HNF4G: variants seen among roughly 807,000 people sequenced by gnomAD.
HNF4G encodes the protein hepatocyte nuclear factor 4 gamma, also known as hepatocyte nuclear factor 4-gamma.
Under a neutral mutation model 50.9 loss-of-function variants are expected in HNF4G, and 21 were observed. The observed-to-expected ratio is 0.41, with a 90% CI of 0.29 to 0.59. The LOEUF is 0.59. Among genes scored for constraint, HNF4G ranks in the 20% least tolerant of loss-of-function variants. HNF4G has a pLI of 0.26. For synonymous variants in HNF4G, 198 were observed against 185.6 expected, an observed-to-expected ratio of 1.07 and a Z score of -0.54; for missense variants, 527 against 559.4, an observed-to-expected ratio of 0.94 and a Z score of 0.58.
chr8:75,464,184 A>C (rs1321432758), intron 1 of HNF4G, among the ~76,000 whole-genome samples: 4 of 152,122 alleles, frequency 2.6e-5, no homozygotes, highest in Non-Finnish European at 5.9e-5. Context: ...CACTCTCAGG[A>C]AACCTAGGGC....
chr8:75,560,919 A>G (rs1807294548), intron 9 of HNF4G, among the ~76,000 whole-genome samples: 1 of 152,206 alleles, frequency 6.6e-6, no homozygotes, highest in Admixed American at 6.5e-5. Context: ...GTAGAATTCA[A>G]TACAAAACAT....
At chr8:75,528,358 G>A (rs537113953) in intron 2 of HNF4G, among the ~76,000 whole-genome samples, 30 of 152,242 alleles carry the variant, frequency 2.0e-4, no homozygotes, top group Admixed American at 9.2e-4. Context: ...CTTGCTGTTT[G>A]CAGCCTTAAA....
intron 2 of HNF4G, among the ~76,000 whole-genome samples, chr8:75,502,575 A>G (rs1812960011): frequency 1.3e-5 from 2 of 152,350 alleles, no homozygotes; most frequent in South Asian, 4.1e-4. Context: ...CTGTACAAAT[A>G]ATTAAAGAAG....
At chr8:75,416,638 C>T (rs1810643171) in intron 1 of HNF4G, among the ~76,000 whole-genome samples, 1 of 152,134 alleles carries the variant, frequency 6.6e-6, no homozygotes, top group Non-Finnish European at 1.5e-5. Context: ...ATTTGTGCCT[C>T]TTTTGTGTGA....
intron 1 of HNF4G, among the ~76,000 whole-genome samples, chr8:75,410,236 C>T (rs1266114111): frequency 6.6e-6 from 1 of 152,094 alleles, no homozygotes; most frequent in Non-Finnish European, 1.5e-5. Context: ...GAATTGTTGG[C>T]ACCAGGGAGA....
intron 1 of HNF4G, among the ~76,000 whole-genome samples, chr8:75,419,455 TCA>T (rs1810728366): frequency 1.3e-5 from 2 of 152,204 alleles, no homozygotes; most frequent in Non-Finnish European, 2.9e-5. Context: ...AAAGCACCCT[TCA>T]TGCTGAGCAA....
At chr8:75,510,398 A>G (rs34335443) in intron 2 of HNF4G, among the ~76,000 whole-genome samples, 7,607 of 152,288 alleles carry the variant, frequency 0.05, 264 homozygotes, top group Non-Finnish European at 0.072. Flanking sequence ...TAGCCTACAT[A>G]AAGTCTGCAA....
chr8:75,526,288 T>G lies in HNF4G; in HGVS notation c.-23-17523T>G, dbSNP rs1419951791. 3.3e-5 allele frequency among the ~76,000 whole-genome samples: 5 copies of G among 151,744 alleles called. No homozygotes were observed. The East Asian group carries it at 9.8e-4, about 30-fold the overall frequency. On this transcript the variant is annotated intron_variant, in intron 2 of 10. Coordinates refer to the HNF4G transcript ENST00000354370. Reference sequence around the variant, plus strand: ...TGACCACAGGTGCACATCACCACACTGGGCTAAGTTCTGGGTTTATAGACC... The same window carrying G: ...TGACCACAGGTGCACATCACCACACGGGGCTAAGTTCTGGGTTTATAGACC...
chr8:75,527,211 G>A (rs1251457719), intron 2 of HNF4G: 2 of 151,570 alleles, frequency 1.3e-5, no homozygotes, highest in African/African-American at 2.4e-5. Flanking sequence ...CGGCTATGAT[G>A]TGCCTTATAG....
intron 1 of HNF4G, among the ~76,000 whole-genome samples, chr8:75,426,878 A>T (rs2130506398): frequency 6.6e-6 from 1 of 152,324 alleles, no homozygotes; most frequent in Middle Eastern, 3.4e-3. Flanking sequence ...TTAAAACTCC[A>T]TTATGTAACT....
intron 3 of HNF4G, among the ~76,000 whole-genome samples, chr8:75,550,371 G>A (rs1274761053): frequency 2.0e-5 from 3 of 151,824 alleles, no homozygotes; most frequent in East Asian, 3.9e-4. Flanking sequence ...GGTGTGCAGT[G>A]GTGCGATCTT....
intron 1 of HNF4G, chr8:75,485,964 A>G (rs573428088): frequency 1.3e-5 from 2 of 152,314 alleles, no homozygotes; most frequent in Non-Finnish European, 1.5e-5. Context: ...CACAGATTCT[A>G]CTGGCTGTTG....
intron 1 of HNF4G, among the ~76,000 whole-genome samples, chr8:75,429,245 TCTCTAGGA>T (rs1810953365): frequency 6.6e-6 from 1 of 152,174 alleles, no homozygotes; most frequent in African/African-American, 2.4e-5. Flanking sequence ...GCATCTTAGA[TCTCTAGGA>T]TCAGGTACTG....
upstream of HNF4G, among the ~76,000 whole-genome samples, chr8:75,536,048 G>A (rs1389701295): frequency 6.6e-6 from 1 of 151,784 alleles, no homozygotes; most frequent in East Asian, 1.9e-4. Flanking sequence ...AAATAATGTT[G>A]TCATTCTCTC....
At chr8:75,538,937 G>C (rs1026314290), upstream of HNF4G, among the ~76,000 whole-genome samples, 2 of 152,088 alleles carry the variant, frequency 1.3e-5, no homozygotes, top group Admixed American at 6.6e-5. Flanking sequence ...TAACAAATGT[G>C]GAAAAGGACA....
At position 75,485,110 on chromosome 8, in the gene HNF4G, T is replaced by G. The variant is rs182789482; in HGVS notation, c.-143-4979T>G. Among the ~76,000 whole-genome samples the G allele has an allele frequency of 3.9e-5, 6 of 152,352 alleles. No homozygotes were observed. The East Asian group carries it at 1.2e-3, about 29-fold the overall frequency. ...ATTACAAATCTTTATATTAATTTGT[T>G]AATAAATTTATAAACATGTTAAATT... On this transcript the variant is annotated intron_variant, in intron 1 of 10. Coordinates refer to the HNF4G transcript ENST00000354370.
chr8:75,435,636 C>T (rs1214847853), intron 1 of HNF4G, among the ~76,000 whole-genome samples: 1 of 152,208 alleles, frequency 6.6e-6, no homozygotes, highest in East Asian at 1.9e-4. Flanking sequence ...CTCTGTCACC[C>T]AGGCTGGAGT....
chr8:75,451,868 G>A (rs1382310740), intron 1 of HNF4G, among the ~76,000 whole-genome samples: 9 of 152,134 alleles, frequency 5.9e-5, no homozygotes, highest in Non-Finnish European at 1.3e-4. Flanking sequence ...GCCTTATCTT[G>A]TTCTGTTAGG....
rs1807403427 is a variant in HNF4G at position 75,564,400 on chromosome 8, T to C, written c.*304T>C. On this transcript the variant is annotated 3_prime_UTR_variant, in exon 10 of 10. Transcript: ENST00000396423. ...GTATGAGTTTCATTTGTTTTATTAA[T>C]GTTAATTTAAATCTGTAAATAATTG... 1 of 203,918 alleles carries C rather than the reference T, an allele frequency of 4.9e-6. No homozygotes were observed. The highest frequency in any genetic ancestry group is 1.4e-4 in the South Asian group (1 of 7,132). 12.6% of individuals were successfully genotyped at this position (203,918 alleles called of 1,614,324 possible). A position where few individuals can be genotyped will look rare whatever the true frequency, so the allele number is the denominator to read the frequency against.
Sources: allele counts gnomAD v4.1 joint callset (sites outside exome capture counted in the v4.1 genomes callset), GRCh38; gene constraint gnomAD v4.1.1; transcripts MANE v1.5; gene names NCBI Gene and HGNC (gene_info 2026-07-23, HGNC 2026-07-21).